Variants in ZNF469 observed in about 807,000 individuals in gnomAD.
ZNF469 encodes zinc finger protein 469.
ZNF469 carries 1 observed loss-of-function variant against 1.0 expected under a neutral mutation model. The ratio of observed to expected loss-of-function variants is 1.00; its 90% CI spans 0.35 to 4.73. The LOEUF is 4.73. Ranked by LOEUF, ZNF469 falls within the 30% of genes most tolerant of loss-of-function variation. ZNF469 has a pLI of 0.16. For synonymous variants in ZNF469, 2,703 were observed against 2,363.4 expected, an observed-to-expected ratio of 1.14 and a Z score of -4.17; for missense variants, 6,100 against 5,356.3, an observed-to-expected ratio of 1.14 and a Z score of -4.33.
upstream of ZNF469, among the ~76,000 whole-genome samples, chr16:88,379,838 G>C (rs2092516450): frequency 6.6e-6 from 1 of 152,158 alleles, no homozygotes; most frequent in African/African-American, 2.4e-5. Context: ...AGTCCTCCCT[G>C]TGAAAGGGAA....
At chr16:88,349,768 C>T in the ZNF469 span, among the ~76,000 whole-genome samples, 8 of 53,776 alleles carry the variant, frequency 1.5e-4, no homozygotes, top group Non-Finnish European at 2.4e-4. Context: ...CAGCACAATA[C>T]ACACCAACAC....
chr16:88,232,671 A>C, the ZNF469 span, among the ~76,000 whole-genome samples: 1 of 152,232 alleles, frequency 6.6e-6, no homozygotes, highest in Non-Finnish European at 1.5e-5. Context: ...GCAAGAGGGT[A>C]GCTGCAGAGT....
the ZNF469 span, among the ~76,000 whole-genome samples, chr16:88,201,155 C>A: frequency 6.6e-6 from 1 of 152,230 alleles, no homozygotes; most frequent in African/African-American, 2.4e-5. The surrounding 1 kb of genome is among the most constrained non-coding windows in gnomAD (Gnocchi z 5.0). Flanking sequence ...TTTACCTGTC[C>A]GGACCAGGGG....
At chr16:88,261,113 C>T in the ZNF469 span, among the ~76,000 whole-genome samples, 1 of 152,022 alleles carries the variant, frequency 6.6e-6, no homozygotes, top group African/African-American at 2.4e-5. The surrounding 1 kb of genome is among the most constrained non-coding windows in gnomAD (Gnocchi z 6.0). Flanking sequence ...AGCACGCTGC[C>T]ACTATCCCAG....
the ZNF469 span, among the ~76,000 whole-genome samples, chr16:88,267,178 C>T: frequency 4.6e-5 from 7 of 152,260 alleles, no homozygotes; most frequent in Non-Finnish European, 8.8e-5. Flanking sequence ...GTCCGTGTCA[C>T]TCATCTGCCC....
chr16:88,400,331 G>C (rs938152474), intron 1 of ZNF469, among the ~76,000 whole-genome samples: 1 of 151,936 alleles, frequency 6.6e-6, no homozygotes, highest in African/African-American at 2.4e-5. Flanking sequence ...AGGCCTGGCA[G>C]CTTGAAGCCC....
chr16:88,153,565 C>T, the ZNF469 span, among the ~76,000 whole-genome samples: 2 of 152,210 alleles, frequency 1.3e-5, no homozygotes, highest in Non-Finnish European at 2.9e-5. Flanking sequence ...ACAAATGGCA[C>T]GTGCAGGCGA....
Position 88,433,929 on chromosome 16 carries a change from T to C in ZNF469, c.6459T>C (p.Ser2153=). ...QGGLGGQLPA[S]PSCRDPPGPQ... is the part of the protein sequence containing the mutation. ...GGCTGGGGGGGCAGCTGCCAGCATCTCCGTCCTGCAGGGACCCTCCCGGCC... is the reference window on the plus strand; with the variant it reads ...GGCTGGGGGGGCAGCTGCCAGCATCCCCGTCCTGCAGGGACCCTCCCGGCC... Residue 2153 remains serine, a synonymous_variant, in exon 3 of 3, where the codon TCT becomes TCC. Transcript: ENST00000565624. 6.5e-7 allele frequency: 1 copy of C among 1,549,818 alleles called. No individual in the cohort carries two copies. Among genetic ancestry groups the C allele is most frequent in the East Asian group, 2.4e-5 (1 of 40,908 alleles).
chr16:88,213,153 C>T, the ZNF469 span, among the ~76,000 whole-genome samples: 2 of 151,856 alleles, frequency 1.3e-5, no homozygotes, highest in Non-Finnish European at 2.9e-5. Flanking sequence ...GGCTGGAGTG[C>T]AGTGGCACCA....
At chr16:88,379,998 G>C (rs1436114678), upstream of ZNF469, among the ~76,000 whole-genome samples, 1 of 152,104 alleles carries the variant, frequency 6.6e-6, no homozygotes, top group Non-Finnish European at 1.5e-5. Flanking sequence ...GCGGCATTCA[G>C]GTGCCCCAGG....
chr16:88,236,521 G>C, the ZNF469 span, among the ~76,000 whole-genome samples: 1 of 152,200 alleles, frequency 6.6e-6, no homozygotes, highest in African/African-American at 2.4e-5. Context: ...GTTTACTTTG[G>C]AATCCTCTTG....
At chr16:88,382,049 G>A (rs1228298906), upstream of ZNF469, among the ~76,000 whole-genome samples, 3 of 152,236 alleles carry the variant, frequency 2.0e-5, no homozygotes, top group South Asian at 2.1e-4. Flanking sequence ...TCCTTTCTGC[G>A]AAGTCCCCCC....
At chr16:88,155,128 A>C in the ZNF469 span, among the ~76,000 whole-genome samples, 1 of 152,162 alleles carries the variant, frequency 6.6e-6, no homozygotes, top group Admixed American at 6.5e-5. Context: ...CTAGGCTGGC[A>C]CAGGTGAGGA....
chr16:88,334,898 CAT>C, the ZNF469 span, among the ~76,000 whole-genome samples: 14 of 151,240 alleles, frequency 9.3e-5, no homozygotes, highest in East Asian at 3.9e-4. Flanking sequence ...CGGAACGACA[CAT>C]GTGTGACAGA....
At chr16:88,140,827 G>T in the ZNF469 span, among the ~76,000 whole-genome samples, 3 of 152,164 alleles carry the variant, frequency 2.0e-5, no homozygotes, top group Admixed American at 2.0e-4. Context: ...CTGCTACCTG[G>T]GAGGCTGAGG....
chr16:88,240,346 G>A, the ZNF469 span, among the ~76,000 whole-genome samples: 9 of 152,176 alleles, frequency 5.9e-5, no homozygotes, highest in Non-Finnish European at 1.3e-4. Context: ...AAGAGAGAGA[G>A]ATTTGGAGGG....
At chr16:88,130,041 GA>G in the ZNF469 span, among the ~76,000 whole-genome samples, 10,898 of 152,204 alleles carry the variant, frequency 0.072, 726 homozygotes, top group East Asian at 0.19. Flanking sequence ...TCTCTTCAGT[GA>G]AAAACCATTT....
the ZNF469 span, among the ~76,000 whole-genome samples, chr16:88,227,893 C>T: frequency 1.3e-5 from 2 of 152,190 alleles, no homozygotes; most frequent in Non-Finnish European, 2.9e-5. Context: ...GCTCCGCCTC[C>T]ATTATTATGG....
chr16:88,153,230 G>A, the ZNF469 span, among the ~76,000 whole-genome samples: 3 of 152,192 alleles, frequency 2.0e-5, no homozygotes, highest in African/African-American at 7.2e-5. Flanking sequence ...GCACCACAGC[G>A]GAGCCTCCAA....
Sources: allele counts gnomAD v4.1 joint callset (sites outside exome capture counted in the v4.1 genomes callset), GRCh38; gene constraint gnomAD v4.1.1; non-coding constraint Gnocchi (gnomAD v3.1); transcripts MANE v1.5; gene names NCBI Gene and HGNC (gene_info 2026-07-23, HGNC 2026-07-21).